The following THRB variants were observed in gnomAD, a reference collection of about 807,000 sequenced individuals.
THRB encodes nuclear receptor subfamily 1 group A member 2.
A neutral mutation model predicts 47.8 loss-of-function variants in THRB; 12 were observed. That is an observed-to-expected ratio of 0.25 (90% CI 0.16 to 0.41). The LOEUF is 0.41. Ranked by LOEUF, THRB falls within the 10% of genes least tolerant of loss-of-function variation. The pLI, the probability that THRB is intolerant of heterozygous loss-of-function variation, is 1.00. For missense variants in THRB, 348 were observed against 589.2 expected (o/e 0.59, Z 4.24); for synonymous variants, 218 against 212.2 (o/e 1.03, Z -0.24).
rs374440859 is a variant in THRB, at chr3:24,431,347, A to G, written c.-261+63305T>C. Reference sequence around the variant, plus strand: ...AAGAGAAGTGGGTGAAGACATGAACAGTATTTAACCAAAAAAAGGAAGCAT... The same window carrying G: ...AAGAGAAGTGGGTGAAGACATGAACGGTATTTAACCAAAAAAAGGAAGCAT... On this transcript the variant is annotated intron_variant, in intron 1 of 10. Transcript: ENST00000646209. 2.6e-5 allele frequency among the ~76,000 whole-genome samples: 4 copies of G among 151,830 alleles called. No homozygotes were observed. In the East Asian group the frequency reaches 7.8e-4, roughly 29 times the overall value.
At chr3:24,466,329 C>A (rs995113045) in intron 1 of THRB, among the ~76,000 whole-genome samples, 1 of 151,738 alleles carries the variant, frequency 6.6e-6, no homozygotes, top group African/African-American at 2.4e-5. Context: ...TTATCTTTTA[C>A]TTGTAGATTG....
chr3:24,419,369 C>T (rs779248279), intron 1 of THRB, among the ~76,000 whole-genome samples: 5 of 151,836 alleles, frequency 3.3e-5, no homozygotes, highest in Non-Finnish European at 7.4e-5. Flanking sequence ...TAAAAGATCC[C>T]TCCTCTATTC....
intron 1 of THRB, among the ~76,000 whole-genome samples, chr3:24,447,275 C>A (rs1252452285): frequency 6.6e-6 from 1 of 152,076 alleles, no homozygotes; most frequent in Non-Finnish European, 1.5e-5. Context: ...GAGAAAACCC[C>A]AACAACCCTT....
intron 3 of THRB, among the ~76,000 whole-genome samples, chr3:24,271,983 A>G (rs1312682914): frequency 6.6e-6 from 1 of 152,194 alleles, no homozygotes; most frequent in Non-Finnish European, 1.5e-5. Flanking sequence ...TGTTTAGAAG[A>G]TAGTGGCTAC....
intron 1 of THRB, among the ~76,000 whole-genome samples, chr3:24,449,166 T>C (rs548934683): frequency 1.3e-5 from 2 of 152,318 alleles, no homozygotes; most frequent in African/African-American, 2.4e-5. Context: ...TATTAAAAAT[T>C]CTTGAAGGCA....
At chr3:24,452,878 G>C (rs943755744) in intron 1 of THRB, among the ~76,000 whole-genome samples, 3 of 152,114 alleles carry the variant, frequency 2.0e-5, no homozygotes, top group Non-Finnish European at 2.9e-5. Flanking sequence ...TTATTTTTAA[G>C]TGCTGTTTTG....
chr3:24,157,015 C>T (rs534327404), intron 5 of THRB, among the ~76,000 whole-genome samples: 15 of 152,292 alleles, frequency 9.8e-5, no homozygotes, highest in African/African-American at 3.6e-4. Flanking sequence ...TTAAATTAAA[C>T]CATGCATTCA....
chr3:24,319,244 T>C (rs2058319337), intron 2 of THRB, among the ~76,000 whole-genome samples: 2 of 152,190 alleles, frequency 1.3e-5, no homozygotes, highest in South Asian at 4.1e-4. Flanking sequence ...GCCTAGCAAA[T>C]CTTCCCCTAG....
chr3:24,292,153 C>T (rs2055991441), intron 3 of THRB, among the ~76,000 whole-genome samples: 1 of 151,966 alleles, frequency 6.6e-6, no homozygotes, highest in South Asian at 2.1e-4. Flanking sequence ...AATGTGTGTG[C>T]ACATGTTTGT....
chr3:24,248,136 T>C (rs2050291428), intron 3 of THRB, among the ~76,000 whole-genome samples: 1 of 152,104 alleles, frequency 6.6e-6, no homozygotes, highest in Non-Finnish European at 1.5e-5. Flanking sequence ...CAGTGCTCCA[T>C]TTGATTAGGA....
chr3:24,420,485 T>C (rs1382417511), intron 1 of THRB, among the ~76,000 whole-genome samples: 1 of 151,846 alleles, frequency 6.6e-6, no homozygotes, highest in Admixed American at 6.6e-5. Context: ...CCTCAGCTAT[T>C]CTACTTTCTA....
intron 1 of THRB, among the ~76,000 whole-genome samples, chr3:24,372,709 AT>A (rs2065006127): frequency 6.6e-6 from 1 of 152,044 alleles, no homozygotes; most frequent in Non-Finnish European, 1.5e-5. Flanking sequence ...AACCATCCCC[AT>A]TTTACAGACA....
chr3:24,153,996 A>G (rs1313912702), intron 5 of THRB, among the ~76,000 whole-genome samples: 1 of 152,220 alleles, frequency 6.6e-6, no homozygotes, highest in Non-Finnish European at 1.5e-5. Context: ...TTTCAGAAAA[A>G]AAGCCATTAA....
In THRB at chr3:24,334,501, A is replaced by C. The variant is rs114517434; in HGVS notation, c.-189+2799T>G. On this transcript the variant is annotated intron_variant, in intron 2 of 10. Coordinates refer to ENST00000646209, the MANE Select transcript of THRB (RefSeq NM_001354712.2). Reference sequence around the variant, plus strand: ...GAAGTAGAGATTACTGAACAACATAAAATCCCAAATTAAAGAAAGGCATCT... The same window carrying C: ...GAAGTAGAGATTACTGAACAACATACAATCCCAAATTAAAGAAAGGCATCT... 6.9e-3 allele frequency among the ~76,000 whole-genome samples: 1,055 copies of C among 152,376 alleles called. 9 individuals carry two copies. The highest frequency in any genetic ancestry group is 0.024 in the African/African-American group (979 of 41,576).
intron 1 of THRB, among the ~76,000 whole-genome samples, chr3:24,488,674 AT>A (rs1182787511): frequency 6.6e-6 from 1 of 152,068 alleles, no homozygotes; most frequent in Admixed American, 6.5e-5. Context: ...AAAATAAGCT[AT>A]TCAATACAAT....
At chr3:24,274,858 C>A (rs910369451) in intron 3 of THRB, among the ~76,000 whole-genome samples, 1 of 151,812 alleles carries the variant, frequency 6.6e-6, no homozygotes, top group East Asian at 1.9e-4. Flanking sequence ...ATTTGCCTTT[C>A]TATTTATTTT....
chr3:24,465,603 C>A (rs934496676), intron 1 of THRB, among the ~76,000 whole-genome samples: 9 of 152,072 alleles, frequency 5.9e-5, no homozygotes, highest in African/African-American at 1.9e-4. Flanking sequence ...GGGGTTTCAC[C>A]ATGTTGGCCA....
chr3:24,417,689 T>C (rs1560138603), intron 1 of THRB, among the ~76,000 whole-genome samples: 1 of 151,912 alleles, frequency 6.6e-6, no homozygotes, highest in Non-Finnish European at 1.5e-5. Context: ...CTATATTGAT[T>C]AGCTATACTT....
At chr3:24,183,578 G>A (rs567229764) in intron 5 of THRB, among the ~76,000 whole-genome samples, 1 of 151,340 alleles carries the variant, frequency 6.6e-6, no homozygotes, top group East Asian at 1.9e-4. Context: ...CATCATGTTG[G>A]CCAGGCTGGT....
Sources: allele counts gnomAD v4.1 joint callset (sites outside exome capture counted in the v4.1 genomes callset), GRCh38; gene constraint gnomAD v4.1.1; transcripts MANE v1.5; gene names NCBI Gene and HGNC (gene_info 2026-07-23, HGNC 2026-07-21).